The following CSMD1 variants were observed in gnomAD, a reference collection of about 807,000 sequenced individuals.
CSMD1 encodes CUB and Sushi multiple domains 1, also known as CUB and sushi domain-containing protein 1.
In CSMD1, 213 loss-of-function variants were observed where a neutral mutation model predicts 417.5. That is an observed-to-expected ratio of 0.51 (90% confidence interval 0.46 to 0.57). CSMD1 has a LOEUF of 0.57. CSMD1 is among the 20% of genes least tolerant of loss of function. The pLI, the probability that CSMD1 is intolerant of heterozygous loss-of-function variation, is 0.00. For missense variants in CSMD1, 6,923 were observed against 4,529.7 expected, an observed-to-expected ratio of 1.53 and a Z score of -15.17; for synonymous variants, 2,862 against 1,736.8, an observed-to-expected ratio of 1.65 and a Z score of -16.11.
chr8:4,705,219 G>C (rs925592534), intron 1 of CSMD1, among the ~76,000 whole-genome samples: 7 of 152,070 alleles, frequency 4.6e-5, no homozygotes, highest in African/African-American at 1.4e-4. Flanking sequence ...GAGTCAATTA[G>C]ACCTCCTTCT....
At chr8:3,922,469 C>A (rs1010542276) in intron 5 of CSMD1, among the ~76,000 whole-genome samples, 3 of 152,006 alleles carry the variant, frequency 2.0e-5, no homozygotes, top group South Asian at 2.1e-4. Context: ...TTTCTCGTCA[C>A]ATTTTCTTTC....
At chr8:3,293,199 T>C (rs1172808874) in intron 25 of CSMD1, among the ~76,000 whole-genome samples, 1 of 152,246 alleles carries the variant, frequency 6.6e-6, no homozygotes, top group Non-Finnish European at 1.5e-5. Flanking sequence ...AGATCCGCTG[T>C]TGGTCTGATG....
chr8:3,527,668 A>C (rs1246185135), intron 10 of CSMD1, among the ~76,000 whole-genome samples: 1 of 152,072 alleles, frequency 6.6e-6, no homozygotes, highest in Non-Finnish European at 1.5e-5. Context: ...TCCCCTTGCC[A>C]ATTTGCTGGC....
intron 3 of CSMD1, among the ~76,000 whole-genome samples, chr8:4,268,785 G>A (rs373638311): frequency 2.0e-5 from 3 of 150,444 alleles, no homozygotes; most frequent in African/African-American, 7.3e-5. Context: ...GAATAACATC[G>A]ACATCACAAA....
In CSMD1 at chr8:4,222,844, A is replaced by G. The variant is rs549295125; in HGVS notation, c.416-190745T>C. Among the ~76,000 whole-genome samples the G allele has an allele frequency of 2.0e-5, 3 of 152,340 alleles. No individual in the cohort carries two copies. The East Asian group carries it at 5.8e-4, about 29-fold the overall frequency. On this transcript the variant is annotated intron_variant, in intron 3 of 69. Coordinates refer to ENST00000635120, the MANE Select transcript of CSMD1 (RefSeq NM_033225.6). ...CAGACTAAGAGTCGCTGAAAATACC[A>G]TGAGGACAATTAATTTGTTTTGATC...
At chr8:3,348,888 G>C (rs1178901488) in intron 21 of CSMD1, among the ~76,000 whole-genome samples, 1 of 152,158 alleles carries the variant, frequency 6.6e-6, no homozygotes, top group East Asian at 1.9e-4. Context: ...TTCAGCACCT[G>C]TCTCACAGTG....
At chr8:4,150,945 T>C (rs112709658) in intron 3 of CSMD1, among the ~76,000 whole-genome samples, 5 of 152,326 alleles carry the variant, frequency 3.3e-5, no homozygotes, top group African/African-American at 1.2e-4. Context: ...GTCTGCAACG[T>C]CCAAACTTTC....
intron 3 of CSMD1, among the ~76,000 whole-genome samples, chr8:4,060,824 T>C (rs1798932908): frequency 6.6e-6 from 1 of 151,970 alleles, no homozygotes; most frequent in Non-Finnish European, 1.5e-5. Context: ...AGGACTAAAA[T>C]CAGAAATGCA....
intron 3 of CSMD1, among the ~76,000 whole-genome samples, chr8:4,275,171 C>T (rs117488739): frequency 0.026 from 3,962 of 152,092 alleles, 100 homozygotes; most frequent in South Asian, 0.11. Context: ...GTTACATTTT[C>T]TGGGGTTTTT....
At chr8:4,551,878 G>A (rs1400628923) in intron 2 of CSMD1, among the ~76,000 whole-genome samples, 1 of 148,400 alleles carries the variant, frequency 6.7e-6, no homozygotes, top group Non-Finnish European at 1.5e-5. Context: ...TGTAGAGATG[G>A]GGTATCACCA....
chr8:3,972,920 C>A (rs11997751), intron 5 of CSMD1, among the ~76,000 whole-genome samples: 36,636 of 151,906 alleles, frequency 0.24, 4,523 homozygotes, highest in East Asian at 0.39. Flanking sequence ...CCTAAATGGG[C>A]AAAGTAGGAA....
At chr8:3,351,127 G>T (rs1206046625) in intron 21 of CSMD1, among the ~76,000 whole-genome samples, 1 of 152,170 alleles carries the variant, frequency 6.6e-6, no homozygotes, top group Non-Finnish European at 1.5e-5. Flanking sequence ...ATGCAATTAA[G>T]ATTTCTCAGT....
At chr8:3,470,179 G>C (rs772973441) in intron 11 of CSMD1, among the ~76,000 whole-genome samples, 1 of 151,984 alleles carries the variant, frequency 6.6e-6, no homozygotes, top group Non-Finnish European at 1.5e-5. Context: ...CTTCTTTAAA[G>C]TTTTTTTGTA....
chr8:4,886,583 T>C (rs1475347168), intron 1 of CSMD1, among the ~76,000 whole-genome samples: 3 of 151,974 alleles, frequency 2.0e-5, no homozygotes, highest in Non-Finnish European at 4.4e-5. Flanking sequence ...TTAGGTCTTC[T>C]TTAATTGTTT....
At chr8:4,796,246 T>C (rs1164396585) in intron 1 of CSMD1, among the ~76,000 whole-genome samples, 1 of 151,798 alleles carries the variant, frequency 6.6e-6, no homozygotes, top group African/African-American at 2.4e-5. Flanking sequence ...AAATGCCTCC[T>C]TTGCTGTGAG....
At chr8:4,880,088 C>T (rs1169161134) in intron 1 of CSMD1, among the ~76,000 whole-genome samples, 3 of 151,974 alleles carry the variant, frequency 2.0e-5, no homozygotes, top group African/African-American at 7.3e-5. Flanking sequence ...TAGTTTTGGC[C>T]GTTGTAATCT....
intron 1 of CSMD1, among the ~76,000 whole-genome samples, chr8:4,828,363 C>A (rs1246765978): frequency 1.3e-5 from 2 of 152,074 alleles, no homozygotes; most frequent in African/African-American, 4.8e-5. Flanking sequence ...AATTGTTGAC[C>A]TGAATATGGA....
chr8:3,705,091 G>A (rs1436205679), intron 7 of CSMD1, among the ~76,000 whole-genome samples: 2 of 152,224 alleles, frequency 1.3e-5, no homozygotes, highest in African/African-American at 4.8e-5. Flanking sequence ...AAGCCAGTCA[G>A]GCAAGGCTAC....
intron 3 of CSMD1, among the ~76,000 whole-genome samples, chr8:4,298,974 A>G (rs534917687): frequency 3.3e-5 from 5 of 152,128 alleles, no homozygotes; most frequent in Non-Finnish European, 7.4e-5. Context: ...TAGAACAATG[A>G]AAGTGTTGCT....
Sources: gnomAD v4.1 joint callset for allele counts (sites outside exome capture counted in the v4.1 genomes callset) on GRCh38, gnomAD v4.1.1 for gene constraint, MANE v1.5 for transcripts, NCBI Gene and HGNC (gene_info 2026-07-23, HGNC 2026-07-21) for gene names.